The following BCAS3 variants were observed in gnomAD, a reference collection of about 807,000 sequenced individuals.
BCAS3 encodes BCAS3 microtubule associated cell migration factor.
BCAS3 carries 53 observed loss-of-function variants against 116.1 expected under a neutral mutation model. The ratio of observed to expected loss-of-function variants is 0.46; its 90% CI spans 0.37 to 0.57. The LOEUF (loss-of-function observed/expected upper bound fraction) is 0.57. BCAS3 is among the 20% of genes least tolerant of loss of function. BCAS3 has a pLI of 0.00. For missense variants in BCAS3, 917 were observed against 1,165.4 expected, an observed-to-expected ratio of 0.79 and a Z score of 3.10; for synonymous variants, 391 against 408.2, an observed-to-expected ratio of 0.96 and a Z score of 0.51.
chr17:61,039,407 A>G (rs2067320453), intron 18 of BCAS3, among the ~76,000 whole-genome samples: 1 of 152,036 alleles, frequency 6.6e-6, no homozygotes, highest in Non-Finnish European at 1.5e-5. Flanking sequence ...ACATTCATGT[A>G]CAGATTCTTG....
At chr17:61,153,301 G>A (rs1030103609) in intron 22 of BCAS3, among the ~76,000 whole-genome samples, 1 of 152,192 alleles carries the variant, frequency 6.6e-6, no homozygotes, top group Non-Finnish European at 1.5e-5. Context: ...AAAGTAAAAT[G>A]TTAGTTGCTA....
intron 12 of BCAS3, among the ~76,000 whole-genome samples, chr17:60,911,579 T>A (rs1466733238): frequency 6.6e-6 from 1 of 152,212 alleles, no homozygotes; most frequent in Non-Finnish European, 1.5e-5. Context: ...ATTACAGGCA[T>A]GAGCCACCGC....
At position 61,128,458 on chromosome 17, in the gene BCAS3, A is replaced by C; in HGVS notation, c.2425+43894A>C. On this transcript the variant is annotated intron_variant, in intron 22 of 23. Coordinates refer to ENST00000407086, the MANE Select transcript of BCAS3 (RefSeq NM_017679.5). The surrounding 1 kb of genome is among the most constrained non-coding windows in gnomAD (Gnocchi z 4.1). ...TTGCTCAACAGAGTAATAATAATAG[A>C]TTTGGAGAATGTTCTGTGTTTTCAA... The C allele has an allele frequency of 1.0e-6, 1 of 985,434 alleles. No individual in the cohort carries two copies. Among genetic ancestry groups the C allele is most frequent in the Non-Finnish European group, 1.2e-6 (1 of 829,936 alleles). The allele number at this position is 985,434 out of a possible 1,614,324, so 61.0% of individuals were successfully genotyped here.
chr17:61,356,923 C>T lies in BCAS3; in HGVS notation c.2426-11404C>T, dbSNP rs1046832059. 2.6e-5 allele frequency: 4 copies of T among 152,240 alleles called. No individual in the cohort carries two copies. Among genetic ancestry groups the T allele is most frequent in the Non-Finnish European group, 5.9e-5 (4 of 68,058 alleles). 9.4% of individuals were successfully genotyped at this position (152,240 alleles called of 1,614,324 possible). A position where few individuals can be genotyped will look rare whatever the true frequency, so the allele number is the denominator to read the frequency against. ...CAGACATGGGCCATGGAGCTGCAGG[C>T]TCACCTGCCCCCGGCTGAGTCAGGA... On this transcript the variant is annotated intron_variant, in intron 22 of 23. Transcript: ENST00000407086. This position sits in a 1 kb window ranked among gnomAD's most constrained non-coding sequence, Gnocchi z 5.4.
intron 7 of BCAS3, among the ~76,000 whole-genome samples, chr17:60,862,501 T>C (rs780857398): frequency 2.6e-5 from 4 of 152,218 alleles, no homozygotes; most frequent in Non-Finnish European, 5.9e-5. Flanking sequence ...TCATTATTGT[T>C]CTGTTCAGGG....
intron 22 of BCAS3, among the ~76,000 whole-genome samples, chr17:61,275,592 G>A (rs2050700560): frequency 6.6e-6 from 1 of 152,182 alleles, no homozygotes; most frequent in Non-Finnish European, 1.5e-5. Flanking sequence ...GCTCACTGCA[G>A]CCTTGTCAGT....
intron 12 of BCAS3, among the ~76,000 whole-genome samples, chr17:60,923,077 TA>T (rs1256559552): frequency 1.3e-5 from 2 of 152,020 alleles, no homozygotes; most frequent in Admixed American, 1.3e-4. Flanking sequence ...ATGAAGCAAA[TA>T]ATAAAGATCT....
At chr17:61,269,741 G>A (rs960456057) in intron 22 of BCAS3, among the ~76,000 whole-genome samples, 1 of 151,594 alleles carries the variant, frequency 6.6e-6, no homozygotes, top group Non-Finnish European at 1.5e-5. Context: ...CAACTTGTTG[G>A]CCATTTGCAG....
chr17:60,976,020 C>CTTTTTTTGTTTTT (rs2062327433), intron 14 of BCAS3, among the ~76,000 whole-genome samples: 2 of 98,286 alleles, frequency 2.0e-5, no homozygotes, highest in African/African-American at 8.3e-5. Flanking sequence ...TAGATTTTTG[C>CTTTTTTTGTTTTT]TTTTTTTTTT....
chr17:61,271,273 G>A lies in BCAS3; in HGVS notation c.2426-97054G>A, dbSNP rs1401989340. Among the ~76,000 whole-genome samples the A allele has an allele frequency of 2.0e-5, 3 of 149,420 alleles. No individual in the cohort carries two copies. In the South Asian group the frequency reaches 6.4e-4, roughly 32 times the overall value. On this transcript the variant is annotated intron_variant, in intron 22 of 23. Transcript: ENST00000407086. The stretch of plus-strand genomic sequence containing the variant: ...CTCCCAAGTAGCTGGGATTACAGGC[G>A]CATGCCACCACGCCCGACTAGTTTT...
rs1021305847 is a variant in BCAS3, at chr17:61,365,601, T to A, written c.2426-2726T>A. Among the ~76,000 whole-genome samples, 5 of 152,194 alleles carry A rather than the reference T, an allele frequency of 3.3e-5. No homozygotes were observed. The highest frequency in any genetic ancestry group is 7.4e-5 in the Non-Finnish European group (5 of 67,988). On this transcript the variant is annotated intron_variant, in intron 22 of 23. Transcript: ENST00000407086. The surrounding 1 kb of genome is among the most constrained non-coding windows in gnomAD (Gnocchi z 4.6). ...TGCTCACCTTGGCCTCCCAAAGTGCTGGGATTACAGGCGTGAGCCACCGTG... is the reference window on the plus strand; with the variant it reads ...TGCTCACCTTGGCCTCCCAAAGTGCAGGGATTACAGGCGTGAGCCACCGTG...
intron 2 of BCAS3, among the ~76,000 whole-genome samples, chr17:60,681,146 G>A (rs1398750621): frequency 6.6e-6 from 1 of 152,070 alleles, no homozygotes; most frequent in Non-Finnish European, 1.5e-5. Context: ...TTGAAGCTGT[G>A]GTAAGCTGTG....
intron 22 of BCAS3, among the ~76,000 whole-genome samples, chr17:61,292,030 G>A (rs1035974932): frequency 6.6e-6 from 1 of 152,136 alleles, no homozygotes; most frequent in Admixed American, 6.5e-5. Flanking sequence ...GGAACAAGAG[G>A]TTCAATCATT....
At position 61,244,981 on chromosome 17, in the gene BCAS3, G is replaced by A. The variant is rs561450711; in HGVS notation, c.2426-123346G>A. On this transcript the variant is annotated intron_variant, in intron 22 of 23. Coordinates refer to ENST00000407086, the MANE Select transcript of BCAS3 (RefSeq NM_017679.5). The surrounding 1 kb of genome is among the most constrained non-coding windows in gnomAD (Gnocchi z 4.9). ...TCATCTTTCTAAATGTGGTGTAATA[G>A]ACTATAATTTTAGTAAGTGTATCAG... Among the ~76,000 whole-genome samples the A allele has an allele frequency of 2.0e-5, 3 of 152,306 alleles. No individual in the cohort carries two copies. The highest frequency in any genetic ancestry group is 7.2e-5 in the African/African-American group (3 of 41,560).
At chr17:61,116,446 A>G (rs1429218442) in intron 22 of BCAS3, among the ~76,000 whole-genome samples, 2 of 152,102 alleles carry the variant, frequency 1.3e-5, no homozygotes, top group African/African-American at 4.8e-5. Context: ...TAATATAATT[A>G]TCTTAAACAT....
At chr17:60,996,891 T>G (rs1313352914) in intron 15 of BCAS3, among the ~76,000 whole-genome samples, 1 of 152,014 alleles carries the variant, frequency 6.6e-6, no homozygotes, top group East Asian at 1.9e-4. Context: ...TGTTAAATTC[T>G]ACTGACAGAT....
At chr17:60,748,595 T>C (rs2042193967) in intron 6 of BCAS3, among the ~76,000 whole-genome samples, 1 of 152,242 alleles carries the variant, frequency 6.6e-6, no homozygotes, top group Non-Finnish European at 1.5e-5. Context: ...ACTAAAGGGC[T>C]CTGCTGTTTC....
chr17:60,822,247 C>T (rs1376387681), intron 7 of BCAS3, among the ~76,000 whole-genome samples: 1 of 152,296 alleles, frequency 6.6e-6, no homozygotes, highest in East Asian at 1.9e-4. Context: ...AAACACTTGA[C>T]ATTGTCAGTC....
chr17:61,221,526 C>T (rs1371362522), intron 22 of BCAS3, among the ~76,000 whole-genome samples: 1 of 152,164 alleles, frequency 6.6e-6, no homozygotes, highest in African/African-American at 2.4e-5. Flanking sequence ...CTGATTATCA[C>T]GATTGGAAGA....
Sources: allele counts gnomAD v4.1 joint callset (sites outside exome capture counted in the v4.1 genomes callset), GRCh38; gene constraint gnomAD v4.1.1; non-coding constraint Gnocchi (gnomAD v3.1); transcripts MANE v1.5; gene names NCBI Gene and HGNC (gene_info 2026-07-23, HGNC 2026-07-21).